PLAA: variants seen among roughly 807,000 people sequenced by gnomAD.
PLAA encodes phospholipase A-2-activating protein.
Under a neutral mutation model 84.1 loss-of-function variants are expected in PLAA, and 48 were observed. The ratio of observed to expected loss-of-function variants is 0.57; its 90% confidence interval spans 0.45 to 0.73. The LOEUF (loss-of-function observed/expected upper bound fraction) is 0.73. Among genes scored for constraint, PLAA ranks in the 30% least tolerant of loss-of-function variants. The probability of loss-of-function intolerance (pLI) is 0.00; values close to 1 mark genes in which losing one functional copy is unlikely to be tolerated. For missense variants in PLAA, 903 were observed against 954.7 expected (o/e 0.95, Z 0.71); for synonymous variants, 392 against 336.6 (o/e 1.16, Z -1.80).
intron 1 of PLAA, among the ~76,000 whole-genome samples, chr9:26,939,483 C>CCAAAAAAAAAAAAAAAAAAA (rs1825460113): frequency 9.9e-6 from 1 of 100,848 alleles, no homozygotes; most frequent in African/African-American, 4.5e-5. Flanking sequence ...AGATGAGAGA[C>CCAAAAAAAAAAAAAAAAAAA]CAAAAAAAAA....
intron 10 of PLAA, among the ~76,000 whole-genome samples, chr9:26,914,294 G>A (rs1824486084): frequency 6.6e-6 from 1 of 152,098 alleles, no homozygotes; most frequent in African/African-American, 2.4e-5. Flanking sequence ...TAAGACAATT[G>A]GAAAAGACTC....
At chr9:26,915,476 G>A (rs914357411) in intron 10 of PLAA, among the ~76,000 whole-genome samples, 10 of 152,210 alleles carry the variant, frequency 6.6e-5, no homozygotes, top group African/African-American at 2.2e-4. Flanking sequence ...GTTGTAGCCA[G>A]ATAGGGAAAT....
Position 26,946,953 on chromosome 9 carries a change from C to T in PLAA, c.93G>A (p.Pro31=), listed in dbSNP as rs1208934074. Residue 31 remains proline (P), a synonymous_variant, in exon 1 of 14, where the codon CCG becomes CCA. Transcript: ENST00000397292. ...VRGLVCCAYP[P]GAFVSVSRDR... ...CTCGGGACACGGACACAAAGGCTCC[C>T]GGCGGATAGGCGCAGCACACCAGGC... is the stretch of plus-strand genomic sequence containing the variant. 3.1e-6 allele frequency: 5 copies of T among 1,588,874 alleles called. No individual in the cohort carries two copies. The highest frequency in any genetic ancestry group is 3.5e-5 in the Admixed American group (2 of 56,958).
intron 1 of PLAA, 96 bp downstream of exon 1, chr9:26,946,781 CAGAGGGAAGGCTGGGGGGAG>C (rs1587204654): frequency 8.5e-7 from 1 of 1,180,930 alleles, no homozygotes; most frequent in African/African-American, 1.6e-5. Flanking sequence ...GAGCGGAGAG[CAGAGGGAAGGCTGGGGGGAG>C]AGAGAGACGG....
intron 6 of PLAA, among the ~76,000 whole-genome samples, chr9:26,925,235 A>C (rs1211075497): frequency 1.3e-5 from 2 of 152,330 alleles, no homozygotes; most frequent in Middle Eastern, 3.4e-3. Flanking sequence ...TTAGTAATTC[A>C]TAAGTTCTGC....
rs1214280939 is a variant in PLAA at position 26,925,833 on chromosome 9, A to G, written c.861T>C (p.Val287=). 2 of 1,613,900 alleles carry G rather than the reference A, an allele frequency of 1.2e-6. No individual in the cohort carries two copies. ...CCVLDNGDIV[V]GASDGIIRVF... ...GACTAGAATATAAATACCTCGCACC[A>G]ACCACAATGTCACCATTGTCGAGCA... The change falls in exon 6 of 14, where the codon GTT becomes GTC. Residue 287 remains valine, a synonymous_variant. Transcript: ENST00000397292.
chr9:26,937,957 G>A (rs985341582), intron 1 of PLAA, among the ~76,000 whole-genome samples: 3 of 151,982 alleles, frequency 2.0e-5, no homozygotes, highest in Non-Finnish European at 2.9e-5. Context: ...CCTAGAGAGA[G>A]GGGAAAGGGA....
intron 2 of PLAA, 128 bp from the exon 3 acceptor site, chr9:26,928,536 A>T: frequency 5.7e-6 from 4 of 700,890 alleles, no homozygotes; most frequent in South Asian, 5.0e-5. Context: ...CTAAGGCTCA[A>T]TTCAGCAGAG....
chr9:26,916,913 TCTACACAA>T (rs1345384277), intron 10 of PLAA, among the ~76,000 whole-genome samples, 176 bp downstream of exon 10: 3 of 152,116 alleles, frequency 2.0e-5, no homozygotes, highest in Non-Finnish European at 2.9e-5. Flanking sequence ...CACGAGGGAA[TCTACACAA>T]CCACTCCAGG....
chr9:26,938,303 T>C (rs1039449730), intron 1 of PLAA, among the ~76,000 whole-genome samples: 1 of 151,996 alleles, frequency 6.6e-6, no homozygotes. Flanking sequence ...AGCCCAGAAG[T>C]TGGAGGCTGC....
chr9:26,930,174 G>A (rs753336692), intron 2 of PLAA, among the ~76,000 whole-genome samples: 26 of 148,868 alleles, frequency 1.7e-4, no homozygotes, highest in Non-Finnish European at 3.6e-4. Flanking sequence ...GTGTGATCTC[G>A]GCTCACCGCA....
intron 9 of PLAA, 80 bp from the exon 10 acceptor site, chr9:26,917,245 G>T (rs924689090): frequency 9.1e-7 from 1 of 1,101,218 alleles, no homozygotes; most frequent in Admixed American, 1.9e-5. Context: ...TGTTTTAGAA[G>T]AACCTACATT....
chr9:26,928,357 TC>T lies in PLAA; in HGVS notation c.394del (p.Asp132ThrfsTer8). On this transcript the variant is annotated frameshift_variant, in exon 3 of 14. Transcript: ENST00000397292. LOFTEE classifies it high-confidence loss of function. ...KFGTLLSGSW[D>X]TTAKVWLNDK... ...ATTCAGCCAGACTTTAGCAGTGGTGTCCCATGAACCACTAAGTAATGTCCCA... is the reference window on the plus strand; with the variant it reads ...ATTCAGCCAGACTTTAGCAGTGGTGTCCATGAACCACTAAGTAATGTCCCA... 6.2e-7 allele frequency: 1 copy of T among 1,614,012 alleles called. No individual in the cohort carries two copies. Among genetic ancestry groups the T allele is most frequent in the Non-Finnish European group, 8.5e-7 (1 of 1,179,848 alleles).
chr9:26,934,592 G>T (rs941867961), intron 2 of PLAA, among the ~76,000 whole-genome samples: 3 of 149,116 alleles, frequency 2.0e-5, no homozygotes, highest in African/African-American at 7.5e-5. Context: ...CCATTCTCGT[G>T]CTTCAGCCTC....
intron 9 of PLAA, among the ~76,000 whole-genome samples, chr9:26,918,843 A>G (rs1824659335): frequency 1.3e-5 from 2 of 152,236 alleles, no homozygotes; most frequent in Admixed American, 6.5e-5. Context: ...AACTGCATTT[A>G]TAACATGAGA....
rs1169226236 is a variant in PLAA, at chr9:26,904,269, C to T, written c.*1242G>A. ...TAAGCCAGGGGATTCATGGTTTTTACACCACGAGTATTGAGAATGTTGCTA... is the reference window on the plus strand; with the variant it reads ...TAAGCCAGGGGATTCATGGTTTTTATACCACGAGTATTGAGAATGTTGCTA... On this transcript the variant is annotated 3_prime_UTR_variant, in exon 14 of 14. Coordinates refer to ENST00000397292, the MANE Select transcript of PLAA (RefSeq NM_001031689.3). The T allele has an allele frequency of 6.6e-6, 1 of 151,952 alleles. No homozygotes were observed. Among genetic ancestry groups the T allele is most frequent in the East Asian group, 1.9e-4 (1 of 5,196 alleles). The allele number at this position is 151,952 out of a possible 1,614,324, so 9.4% of individuals were successfully genotyped here.
At position 26,925,912 on chromosome 9, in the gene PLAA, C is replaced by G; in HGVS notation, c.782G>C (p.Gly261Ala). Residue 261 changes from glycine to alanine, a missense_variant, in exon 6 of 14, where the codon GGG becomes GCG. Coordinates refer to ENST00000397292, the MANE Select transcript of PLAA (RefSeq NM_001031689.3). ...EDRSLRIWKH[G>A]ECAQTIRLPA... ...AAGTCGGATAGTTTGAGCACATTCC[C>G]CATGTTTCCAGATTCTCAGAGATCT... 6.2e-7 allele frequency: 1 copy of G among 1,613,434 alleles called. No homozygotes were observed. The highest frequency in any genetic ancestry group is 2.2e-5 in the East Asian group (1 of 44,858).
At position 26,919,362 on chromosome 9, in the gene PLAA, T is replaced by C. The variant is rs777186761; in HGVS notation, c.1365A>G (p.Thr455=). 1.4e-5 allele frequency: 23 copies of C among 1,612,580 alleles called. No homozygotes were observed. The highest frequency in any genetic ancestry group is 5.0e-5 in the Admixed American group (3 of 59,978). ...TCCCAAGTCCCAACATTTGACCTTT[T>C]GTGTTATCAATAATAAATTTAGCTA... ...DQVAKFIIDN[T]KGQMLGLGNP... The change falls in exon 9 of 14, where the codon ACA becomes ACG. Residue 455 remains threonine (T), a synonymous_variant. Coordinates refer to ENST00000397292, the MANE Select transcript of PLAA (RefSeq NM_001031689.3).
At chr9:26,927,281 T>A (rs940182169) in intron 4 of PLAA, among the ~76,000 whole-genome samples, 1 of 151,880 alleles carries the variant, frequency 6.6e-6, no homozygotes, top group African/African-American at 2.4e-5. Context: ...TCACCACTCC[T>A]GGCGAATTTT....
Sources: gnomAD v4.1 joint callset for allele counts (sites outside exome capture counted in the v4.1 genomes callset) on GRCh38, gnomAD v4.1.1 for gene constraint, MANE v1.5 for transcripts, NCBI Gene and HGNC (gene_info 2026-07-23, HGNC 2026-07-21) for gene names.